The following PNPLA8 variants were observed in gnomAD, a reference collection of about 807,000 sequenced individuals.
PNPLA8 encodes calcium-independent phospholipase A2-gamma.
A neutral mutation model predicts 76.9 loss-of-function variants in PNPLA8; 39 were observed. That is an observed-to-expected ratio of 0.51 (90% confidence interval 0.39 to 0.66). The LOEUF is 0.66. Ranked by LOEUF, PNPLA8 falls within the 30% of genes least tolerant of loss-of-function variation. The pLI is 0.00. For synonymous variants in PNPLA8, 301 were observed against 307.9 expected (o/e 0.98, Z 0.24); for missense variants, 887 against 918.0 (o/e 0.97, Z 0.44).
chr7:108,497,574 G>A lies in PNPLA8; in HGVS notation c.1362C>T (p.Gly454=), dbSNP rs781163795. ...ILSIDGGGTR[G]VVALQTLRKL... ...TTCGTAGGGTCTGGAGAGCAACCAC[G>A]CCCCTACAGAAAAGATTAAAGACAA... is the stretch of plus-strand genomic sequence containing the variant. Residue 454 remains glycine, a synonymous_variant, in exon 6 of 11, where the codon GGC becomes GGT. Coordinates refer to ENST00000257694, the MANE Select transcript of PNPLA8 (RefSeq NM_001256007.3). 21 of 1,567,008 alleles carry A rather than the reference G, an allele frequency of 1.3e-5. No individual in the cohort carries two copies. Among genetic ancestry groups the A allele is most frequent in the Non-Finnish European group, 1.6e-5 (18 of 1,155,222 alleles).
At chr7:108,519,638 T>C (rs1478401856) in intron 2 of PNPLA8, among the ~76,000 whole-genome samples, 1 of 152,142 alleles carries the variant, frequency 6.6e-6, no homozygotes, top group African/African-American at 2.4e-5. Context: ...AAGCCTGCCT[T>C]GTCTTCCAGG....
chr7:108,488,441 T>TGA lies in PNPLA8; in HGVS notation c.1684-490_1684-489dup, dbSNP rs952426904. ...CTAAAAATACAAAATTAGCTGGACATGATGGCAGGTGCCTTCCAGCTACTC... is the reference window on the plus strand; with the variant it reads ...CTAAAAATACAAAATTAGCTGGACATGAGATGGCAGGTGCCTTCCAGCTACTC... On this transcript the variant is annotated intron_variant, in intron 8 of 10. Coordinates refer to ENST00000257694, the MANE Select transcript of PNPLA8 (RefSeq NM_001256007.3). Among the ~76,000 whole-genome samples the TGA allele has an allele frequency of 5.3e-5, 8 of 151,760 alleles. No homozygotes were observed. In the East Asian group the frequency reaches 1.2e-3, roughly 22 times the overall value.
At chr7:108,512,567 C>A (rs1863014989) in intron 4 of PNPLA8, among the ~76,000 whole-genome samples, 1 of 151,838 alleles carries the variant, frequency 6.6e-6, no homozygotes, top group South Asian at 2.1e-4. Flanking sequence ...ATGGTAGACA[C>A]ATAAAAAAGT....
intron 8 of PNPLA8, among the ~76,000 whole-genome samples, chr7:108,490,191 G>T (rs950926670): frequency 2.6e-5 from 4 of 152,066 alleles, no homozygotes; most frequent in Non-Finnish European, 4.4e-5. Flanking sequence ...CTGCTGTACA[G>T]GTTTATAGCC....
chr7:108,500,824 T>G (rs1448562506), intron 5 of PNPLA8, among the ~76,000 whole-genome samples: 1 of 151,906 alleles, frequency 6.6e-6, no homozygotes, highest in Non-Finnish European at 1.5e-5. Context: ...GCAGGAGAAC[T>G]GATCAGTTGA....
intron 10 of PNPLA8, among the ~76,000 whole-genome samples, chr7:108,475,353 T>C (rs1037104051): frequency 6.6e-6 from 1 of 152,050 alleles, no homozygotes; most frequent in East Asian, 1.9e-4. Flanking sequence ...AAAAACTATC[T>C]TCCACGAAAC....
In PNPLA8 at chr7:108,471,747, GA is replaced by G. The variant is rs1859646904; in HGVS notation, c.*653del. On this transcript the variant is annotated 3_prime_UTR_variant, in exon 11 of 11. Coordinates refer to ENST00000257694, the MANE Select transcript of PNPLA8 (RefSeq NM_001256007.3). Reference sequence around the variant, plus strand: ...GGAAAAGTTAATATAGCATTATCTTGAAATTTCAGGGGTAAAAAGTGGTTGA... The same window carrying G: ...GGAAAAGTTAATATAGCATTATCTTGAATTTCAGGGGTAAAAAGTGGTTGA... The G allele has an allele frequency of 6.6e-6, 1 of 152,124 alleles. No individual in the cohort carries two copies. Among genetic ancestry groups the G allele is most frequent in the African/African-American group, 2.4e-5 (1 of 41,428 alleles). The allele number at this position is 152,124 out of a possible 1,614,324, so 9.4% of individuals were successfully genotyped here.
chr7:108,481,088 C>T (rs553640184), intron 9 of PNPLA8, among the ~76,000 whole-genome samples: 3 of 152,134 alleles, frequency 2.0e-5, no homozygotes, highest in Non-Finnish European at 4.4e-5. Context: ...ATGGATGTAC[C>T]ACACAGTTCA....
intron 9 of PNPLA8, among the ~76,000 whole-genome samples, chr7:108,483,084 A>G (rs1860511379): frequency 2.0e-5 from 3 of 152,362 alleles, no homozygotes; most frequent in Middle Eastern, 3.4e-3. Context: ...CATTTCTGGC[A>G]TTATAAAATA....
At chr7:108,493,990 A>C (rs1861385732) in intron 7 of PNPLA8, among the ~76,000 whole-genome samples, 2 of 152,188 alleles carry the variant, frequency 1.3e-5, no homozygotes, top group Admixed American at 6.5e-5. Context: ...AATATAGATA[A>C]GAATTTCAAA....
chr7:108,504,492 T>C (rs548416023), intron 4 of PNPLA8, among the ~76,000 whole-genome samples: 10 of 152,180 alleles, frequency 6.6e-5, no homozygotes, highest in African/African-American at 1.9e-4. Flanking sequence ...ACCCGAATAA[T>C]TGAAAAAATA....
At chr7:108,491,510 T>C (rs773202631) in intron 7 of PNPLA8, 43 bp from the exon 8 acceptor site, 1 of 1,208,714 alleles carries the variant, frequency 8.3e-7, no homozygotes, top group South Asian at 1.2e-5. Flanking sequence ...AAAATGACTT[T>C]ATCTCCTAAC....
chr7:108,503,593 A>C (rs923467873), intron 4 of PNPLA8, among the ~76,000 whole-genome samples: 2 of 152,190 alleles, frequency 1.3e-5, no homozygotes, highest in South Asian at 4.1e-4. Flanking sequence ...AACAACAAGA[A>C]AATCTTGATG....
intron 9 of PNPLA8, among the ~76,000 whole-genome samples, chr7:108,486,781 G>A (rs1030632451): frequency 6.6e-6 from 1 of 152,114 alleles, no homozygotes. Flanking sequence ...TGTTTATATA[G>A]ATCTATGTAT....
intron 10 of PNPLA8, among the ~76,000 whole-genome samples, chr7:108,477,052 G>C (rs1182989827): frequency 6.6e-6 from 1 of 152,148 alleles, no homozygotes; most frequent in Non-Finnish European, 1.5e-5. Context: ...CTAGAGATCT[G>C]ACGTACAGCA....
At chr7:108,510,230 A>C in intron 4 of PNPLA8, 8 of 1,290,336 alleles carry the variant, frequency 6.2e-6, no homozygotes, top group African/African-American at 1.5e-5. Context: ...TCCGGCTGGA[A>C]CCATGGTGGG....
intron 4 of PNPLA8, among the ~76,000 whole-genome samples, chr7:108,504,338 A>G (rs1051671425): frequency 6.6e-6 from 1 of 152,226 alleles, no homozygotes; most frequent in Non-Finnish European, 1.5e-5. Flanking sequence ...TTACCACAAA[A>G]ACATGTTGAA....
chr7:108,488,304 G>A (rs1207216854), intron 8 of PNPLA8, among the ~76,000 whole-genome samples: 2 of 152,202 alleles, frequency 1.3e-5, no homozygotes, highest in Admixed American at 1.3e-4. Context: ...TAAAGGCTGG[G>A]CACAGTGGCT....
chr7:108,474,943 G>C (rs946502240), intron 10 of PNPLA8, among the ~76,000 whole-genome samples: 1 of 152,090 alleles, frequency 6.6e-6, no homozygotes, highest in African/African-American at 2.4e-5. Context: ...TGCACAGCAG[G>C]GGGTGAGTGG....
Sources: gnomAD v4.1 joint callset for allele counts (sites outside exome capture counted in the v4.1 genomes callset) on GRCh38, gnomAD v4.1.1 for gene constraint, MANE v1.5 for transcripts, NCBI Gene and HGNC (gene_info 2026-07-23, HGNC 2026-07-21) for gene names.